CADM1: variants seen among roughly 807,000 people sequenced by gnomAD.
CADM1 encodes the protein cell adhesion molecule 1.
In CADM1, 15 loss-of-function variants were observed where a neutral mutation model predicts 53.1. The ratio of observed to expected loss-of-function variants is 0.28; its 90% CI spans 0.19 to 0.44. The LOEUF (loss-of-function observed/expected upper bound fraction) is 0.44. Among genes scored for constraint, CADM1 ranks in the 20% least tolerant of loss-of-function variants. CADM1 has a pLI of 1.00. For synonymous variants in CADM1, 281 were observed against 243.0 expected, an observed-to-expected ratio of 1.16 and a Z score of -1.45; for missense variants, 434 against 611.3, an observed-to-expected ratio of 0.71 and a Z score of 3.06.
intron 1 of CADM1, among the ~76,000 whole-genome samples, chr11:115,341,607 T>G (rs1945449409): frequency 6.6e-6 from 1 of 152,194 alleles, no homozygotes; most frequent in Non-Finnish European, 1.5e-5. Flanking sequence ...AACATTAATC[T>G]AACTGTTGAC....
chr11:115,367,674 C>T (rs1417950889), intron 1 of CADM1, among the ~76,000 whole-genome samples: 1 of 151,816 alleles, frequency 6.6e-6, no homozygotes, highest in African/African-American at 2.4e-5. Context: ...TATATTTTAA[C>T]ATGATTTTAA....
chr11:115,398,593 A>G (rs2135205361), intron 1 of CADM1, among the ~76,000 whole-genome samples: 1 of 152,362 alleles, frequency 6.6e-6, no homozygotes, highest in East Asian at 1.9e-4. Flanking sequence ...ACAATTATTT[A>G]AAGAATCACA....
chr11:115,335,808 C>A (rs1255908044), intron 1 of CADM1, among the ~76,000 whole-genome samples: 1 of 152,114 alleles, frequency 6.6e-6, no homozygotes, highest in Non-Finnish European at 1.5e-5. Context: ...CCACCAATAT[C>A]ATAAGAAAAG....
intron 1 of CADM1, among the ~76,000 whole-genome samples, chr11:115,319,443 G>T (rs1321557485): frequency 6.6e-6 from 1 of 152,108 alleles, no homozygotes; most frequent in Non-Finnish European, 1.5e-5. Context: ...GCCCTGGATT[G>T]CCCATCTCTC....
chr11:115,236,483 G>C (rs946066206), intron 3 of CADM1, among the ~76,000 whole-genome samples: 2 of 152,094 alleles, frequency 1.3e-5, no homozygotes, highest in Admixed American at 6.5e-5. Flanking sequence ...GTATATTTAA[G>C]TTAATACTTC....
intron 1 of CADM1, among the ~76,000 whole-genome samples, chr11:115,350,278 C>G (rs1419547891): frequency 1.3e-5 from 2 of 152,136 alleles, no homozygotes; most frequent in East Asian, 3.9e-4. Flanking sequence ...ACCAGCCTTA[C>G]CATCTTTAAC....
At chr11:115,209,726 C>T in intron 7 of CADM1, 69 bp from the exon 8 acceptor site, 1 of 1,582,018 alleles carries the variant, frequency 6.3e-7, no homozygotes, top group Non-Finnish European at 8.6e-7. Context: ...AATGACAAAA[C>T]AAAGGCATGA....
chr11:115,234,967 A>G (rs1591630639), intron 3 of CADM1, among the ~76,000 whole-genome samples: 1 of 151,146 alleles, frequency 6.6e-6, no homozygotes, highest in African/African-American at 2.4e-5. Context: ...TGTTGAGATC[A>G]CCATCCTGTG....
At chr11:115,296,875 A>G (rs1433191620) in intron 1 of CADM1, among the ~76,000 whole-genome samples, 1 of 152,176 alleles carries the variant, frequency 6.6e-6, no homozygotes, top group Non-Finnish European at 1.5e-5. Flanking sequence ...CTCTTGAATC[A>G]CACACAGTCC....
intron 1 of CADM1, among the ~76,000 whole-genome samples, chr11:115,423,452 T>C (rs1947811523): frequency 6.6e-6 from 1 of 152,200 alleles, no homozygotes; most frequent in Non-Finnish European, 1.5e-5. Flanking sequence ...CTCCTTACTA[T>C]GCATGGTGAC....
chr11:115,458,746 C>A (rs1948733112), intron 1 of CADM1, among the ~76,000 whole-genome samples: 1 of 151,940 alleles, frequency 6.6e-6, no homozygotes, highest in African/African-American at 2.4e-5. Context: ...CAATAACATC[C>A]CACCAGACAT....
intron 1 of CADM1, among the ~76,000 whole-genome samples, chr11:115,488,630 C>T (rs1282886711): frequency 6.6e-6 from 1 of 152,218 alleles, no homozygotes; most frequent in African/African-American, 2.4e-5. Context: ...AACACATACT[C>T]TCTCTGCCTA....
At position 115,175,466 on chromosome 11, in the gene CADM1, G is replaced by A. The variant is rs578129155; in HGVS notation, c.*1008C>T. ...CTACAAATTAGTGAGAAGTAAGGCCGATTGGGAAAGGTGGATGGAATCATT... is the reference window on the plus strand; with the variant it reads ...CTACAAATTAGTGAGAAGTAAGGCCAATTGGGAAAGGTGGATGGAATCATT... On this transcript the variant is annotated 3_prime_UTR_variant, in exon 12 of 12. Coordinates refer to ENST00000331581, the MANE Select transcript of CADM1 (RefSeq NM_001301043.2). 3.3e-5 allele frequency: 33 copies of A among 985,436 alleles called. No individual in the cohort carries two copies. Among genetic ancestry groups the A allele is most frequent in the East Asian group, 1.1e-4 (1 of 8,802 alleles). The allele number at this position is 985,436 out of a possible 1,614,324, so 61.0% of individuals were successfully genotyped here. A position where few individuals can be genotyped will look rare whatever the true frequency, so the allele number is the denominator to read the frequency against.
chr11:115,499,769 T>C (rs977321939), intron 1 of CADM1, among the ~76,000 whole-genome samples: 1 of 152,354 alleles, frequency 6.6e-6, no homozygotes, highest in African/African-American at 2.4e-5. Context: ...TTCTAATATC[T>C]TTCCCCTCTC....
chr11:115,371,198 T>C (rs1460009681), intron 1 of CADM1, among the ~76,000 whole-genome samples: 1 of 152,168 alleles, frequency 6.6e-6, no homozygotes, highest in Non-Finnish European at 1.5e-5. Flanking sequence ...TTATTTTTAA[T>C]TTTTAAAAGA....
In CADM1 at chr11:115,201,161, G is replaced by A. The variant is rs551132044; in HGVS notation, c.1079-2723C>T. 5.9e-5 allele frequency among the ~76,000 whole-genome samples: 9 copies of A among 152,228 alleles called. No individual in the cohort carries two copies. In the South Asian group the frequency reaches 8.3e-4, roughly 14 times the overall value. On this transcript the variant is annotated intron_variant, in intron 8 of 11. Transcript: ENST00000331581. The stretch of plus-strand genomic sequence containing the variant: ...AAACACATGTTCAAGTCACACACAC[G>A]ATTACTGCAGCTGGAAATGGCAAAA...
chr11:115,275,734 C>T (rs1171144600), intron 1 of CADM1, among the ~76,000 whole-genome samples: 3 of 152,120 alleles, frequency 2.0e-5, no homozygotes, highest in Non-Finnish European at 4.4e-5. Flanking sequence ...TTTAACTTCT[C>T]TAAGAGGACC....
chr11:115,289,119 C>T (rs1000080558), intron 1 of CADM1, among the ~76,000 whole-genome samples: 1 of 152,196 alleles, frequency 6.6e-6, no homozygotes, highest in African/African-American at 2.4e-5. Flanking sequence ...AATCCCAGCA[C>T]TCTGAGAGGC....
intron 10 of CADM1, among the ~76,000 whole-genome samples, chr11:115,182,545 T>G (rs1939360768): frequency 6.6e-6 from 1 of 152,220 alleles, no homozygotes; most frequent in Non-Finnish European, 1.5e-5. Flanking sequence ...TTATTTCACA[T>G]GTGACCTCAG....
Sources: gnomAD v4.1 joint callset for allele counts (sites outside exome capture counted in the v4.1 genomes callset) on GRCh38, gnomAD v4.1.1 for gene constraint, MANE v1.5 for transcripts, NCBI Gene and HGNC (gene_info 2026-07-23, HGNC 2026-07-21) for gene names.